The following ACTN1 variants were observed in gnomAD, a reference collection of about 807,000 sequenced individuals.
The protein encoded by ACTN1 is actinin alpha 1, also known as alpha-actinin-1.
In ACTN1, 30 loss-of-function variants were observed where a neutral mutation model predicts 119.6. That is an observed-to-expected ratio of 0.25 (90% confidence interval 0.19 to 0.34). ACTN1 has a LOEUF of 0.34. Among genes scored for constraint, ACTN1 ranks in the 10% least tolerant of loss-of-function variants. The pLI, the probability that ACTN1 is intolerant of heterozygous loss-of-function variation, is 1.00. For missense variants in ACTN1, 764 were observed against 1,223.4 expected (o/e 0.62, Z 5.60); for synonymous variants, 429 against 472.6 (o/e 0.91, Z 1.20).
At position 68,912,251 on chromosome 14, in the gene ACTN1, A is replaced by G. The variant is rs1566629612; in HGVS notation, c.341-9T>C. ...ATTCCCATCCACGATTTCTACAGAA[A>G]CAGCAGCAGCACACATCAGAAAGGG... On this transcript the variant is annotated splice_polypyrimidine_tract_variant and intron_variant, in intron 3 of 21. Transcript: ENST00000394419. 3 of 1,613,264 alleles carry G rather than the reference A, an allele frequency of 1.9e-6. No homozygotes were observed. Among genetic ancestry groups the G allele is most frequent in the East Asian group, 2.2e-5 (1 of 44,878 alleles).
chr14:68,910,103 G>T, intron 4 of ACTN1, 61 bp from the exon 5 acceptor site: 1 of 1,432,116 alleles, frequency 7.0e-7, no homozygotes, highest in South Asian at 1.2e-5. Context: ...GAGGGATGCC[G>T]GCTCACAGGA....
In ACTN1 at chr14:68,880,095, C is replaced by T; in HGVS notation, c.2147G>A (p.Gly716Asp). The change falls in exon 18 of 22, where the codon GGC becomes GAC. Residue 716 changes from glycine (G) to aspartate (D), a missense_variant. Transcript: ENST00000394419. The surrounding 1 kb of genome is among the most constrained non-coding windows in gnomAD (Gnocchi z 4.6). ...GATGGTGGTGAGCAGCTGCTCCCAG[C>T]CCACACGGATGTGCTGCAGGACGGC... ...TNYTMEHIRV[G>D]WEQLLTTIAR... 6.2e-7 allele frequency: 1 copy of T among 1,614,028 alleles called. No homozygotes were observed. The highest frequency in any genetic ancestry group is 1.7e-5 in the Admixed American group (1 of 60,026).
chr14:68,979,030 G>T lies in ACTN1; in HGVS notation c.27C>A (p.Thr9=). The change falls in exon 1 of 22, where the codon ACC becomes ACA. Residue 9 remains threonine, a synonymous_variant. Coordinates refer to ENST00000394419, the MANE Select transcript of ACTN1 (RefSeq NM_001130004.2). The part of the protein sequence containing the change: MDHYDSQQ[T]NDYMQPEEDW... ...CCTCTTCTGGCTGCATGTAATCGTT[G>T]GTTTGCTGAGAATCATAATGGTCCA... 6.2e-7 allele frequency: 1 copy of T among 1,603,840 alleles called. No individual in the cohort carries two copies.
chr14:68,941,770 A>G (rs1467311620), intron 1 of ACTN1, among the ~76,000 whole-genome samples: 1 of 152,166 alleles, frequency 6.6e-6, no homozygotes, highest in Non-Finnish European at 1.5e-5. Context: ...CTTGTCTACT[A>G]AACGGTCCCA....
chr14:68,890,158 G>C lies in ACTN1; in HGVS notation c.1215C>G (p.Ile405Met). 4 of 1,614,010 alleles carry C rather than the reference G, an allele frequency of 2.5e-6. No individual in the cohort carries two copies. The highest frequency in any genetic ancestry group is 3.4e-6 in the Non-Finnish European group (4 of 1,179,960). ...LAEKFRQKAS[I>M]HEAWTDGKEA... ...CCTCACCGTCAGTCCAGGCCTCGTG[G>C]ATGGAGGCCTTCTGCCGGAACTTCT... The change falls in exon 11 of 22, where the codon ATC (isoleucine) becomes ATG (methionine). Residue 405 changes from isoleucine to methionine, a missense_variant. Coordinates refer to ENST00000394419, the MANE Select transcript of ACTN1 (RefSeq NM_001130004.2).
At chr14:68,966,874 C>T (rs1451556570) in intron 1 of ACTN1, among the ~76,000 whole-genome samples, 1 of 152,260 alleles carries the variant, frequency 6.6e-6, no homozygotes, top group East Asian at 1.9e-4. Context: ...CAGGGCTCAG[C>T]CAAATGCAAT....
chr14:68,977,425 A>C (rs1351775355), intron 1 of ACTN1: 1 of 153,676 alleles, frequency 6.5e-6, no homozygotes, highest in African/African-American at 2.4e-5. Context: ...GGCACATTAC[A>C]AAGAAGTCAG....
At chr14:68,941,558 T>C (rs990956606) in intron 1 of ACTN1, among the ~76,000 whole-genome samples, 2 of 152,214 alleles carry the variant, frequency 1.3e-5, no homozygotes, top group East Asian at 3.8e-4. Context: ...CTCAGTTTCC[T>C]CATCTGTAAA....
At chr14:68,976,053 C>G (rs1012134914) in intron 1 of ACTN1, among the ~76,000 whole-genome samples, 4 of 152,194 alleles carry the variant, frequency 2.6e-5, no homozygotes, top group African/African-American at 9.7e-5. Context: ...CTTGGTCTGT[C>G]TTGCTCAGTG....
chr14:68,883,561 C>T (rs2031743391), intron 14 of ACTN1, among the ~76,000 whole-genome samples: 1 of 152,082 alleles, frequency 6.6e-6, no homozygotes, highest in Admixed American at 6.5e-5. Flanking sequence ...CTCTTGAAGC[C>T]AGGAGTTCGA....
At chr14:68,961,545 CG>C (rs2036540893) in intron 1 of ACTN1, among the ~76,000 whole-genome samples, 1 of 152,158 alleles carries the variant, frequency 6.6e-6, no homozygotes, top group Non-Finnish European at 1.5e-5. Flanking sequence ...GGCCGCCACA[CG>C]GGGCACAGGG....
intron 8 of ACTN1, among the ~76,000 whole-genome samples, chr14:68,898,397 G>A (rs987153155): frequency 6.6e-6 from 1 of 152,294 alleles, no homozygotes; most frequent in African/African-American, 2.4e-5. Flanking sequence ...TATACAGCAC[G>A]TGCCTGTACA....
At chr14:68,940,848 C>T (rs1292174753) in intron 1 of ACTN1, among the ~76,000 whole-genome samples, 1 of 152,118 alleles carries the variant, frequency 6.6e-6, no homozygotes, top group Non-Finnish European at 1.5e-5. Flanking sequence ...GAAAGAGATC[C>T]TGCTTGGACA....
At position 68,892,133 on chromosome 14, in the gene ACTN1, T is replaced by A; in HGVS notation, c.1006A>T (p.Ile336Phe). The A allele has an allele frequency of 3.1e-6, 5 of 1,613,898 alleles. No individual in the cohort carries two copies. Among genetic ancestry groups the A allele is most frequent in the Non-Finnish European group, 4.2e-6 (5 of 1,179,998 alleles). The change falls in exon 10 of 22, where the codon ATC becomes TTC. Residue 336 changes from isoleucine to phenylalanine, a missense_variant. By Grantham distance (21) the Ile-to-Phe change is conservative. This residue lies in a region of ACTN1 where 544 missense variants were observed against 912.0 expected (regional missense o/e 0.60). Transcript: ENST00000394419. ...PKVQEKCQLE[I>F]NFNTLQTKLR... is the part of the protein sequence containing the mutation. ...TTGGTCTGCAGCGTGTTGAAGTTGATCTCCAGCTGGCACTTCTCCTGCACC... is the reference window on the plus strand; with the variant it reads ...TTGGTCTGCAGCGTGTTGAAGTTGAACTCCAGCTGGCACTTCTCCTGCACC...
Position 68,890,615 on chromosome 14 carries a change from C to T in ACTN1, c.1087-329G>A, listed in dbSNP as rs151209996. ...GACTGGTTTCCCGCAGGACTCTAAC[C>T]GATCACAGAGGTCACACATGTGCTA... is the stretch of plus-strand genomic sequence containing the variant. On this transcript the variant is annotated intron_variant, in intron 10 of 21. Coordinates refer to ENST00000394419, the MANE Select transcript of ACTN1 (RefSeq NM_001130004.2). 2.1e-4 allele frequency among the ~76,000 whole-genome samples: 32 copies of T among 152,276 alleles called. No individual in the cohort carries two copies. In the East Asian group the frequency reaches 2.9e-3, roughly 14 times the overall value.
chr14:68,874,883 C>T lies in ACTN1; in HGVS notation c.2721G>A (p.Ala907=), dbSNP rs1435869025. Residue 907 remains alanine (A), a synonymous_variant, in exon 22 of 22, where the codon GCG becomes GCA. Coordinates refer to ENST00000394419, the MANE Select transcript of ACTN1 (RefSeq NM_001130004.2). ...ATTAGAGGTCACTCTCGCCGTACAG[C>T]GCCGTGGAGAAGGACATGTAGTCCA... ...GALDYMSFST[A]LYGESDL 2 of 1,600,884 alleles carry T rather than the reference C, an allele frequency of 1.2e-6. No individual in the cohort carries two copies. Among genetic ancestry groups the T allele is most frequent in the South Asian group, 1.1e-5 (1 of 90,416 alleles).
intron 1 of ACTN1, among the ~76,000 whole-genome samples, chr14:68,957,421 A>G (rs1336119393): frequency 6.6e-6 from 1 of 152,188 alleles, no homozygotes; most frequent in Non-Finnish European, 1.5e-5. Context: ...TATGCTGAAC[A>G]ATGACTCGGC....
At chr14:68,977,173 C>T (rs981470494) in intron 1 of ACTN1, among the ~76,000 whole-genome samples, 1 of 152,180 alleles carries the variant, frequency 6.6e-6, no homozygotes, top group Non-Finnish European at 1.5e-5. Context: ...AGACCCCAAT[C>T]CACCACCCTA....
rs1222206834 is a variant in ACTN1, at chr14:68,882,375, G to A, written c.1953+83C>T. 1.3e-6 allele frequency: 2 copies of A among 1,563,646 alleles called. No homozygotes were observed. Among genetic ancestry groups the A allele is most frequent in the African/African-American group, 1.3e-5 (1 of 74,124 alleles). Reference sequence around the variant, plus strand: ...TCAGTCCTCCATGGGTCCCACCCAGGGAGACAGGCAGCCTGGCTGGCTAGG... The same window carrying A: ...TCAGTCCTCCATGGGTCCCACCCAGAGAGACAGGCAGCCTGGCTGGCTAGG... On this transcript the variant is annotated intron_variant, in intron 16 of 21. Transcript: ENST00000394419. The surrounding 1 kb of genome is among the most constrained non-coding windows in gnomAD (Gnocchi z 4.5).
Sources: gnomAD v4.1 joint callset for allele counts (sites outside exome capture counted in the v4.1 genomes callset) on GRCh38, gnomAD v4.1.1 for gene constraint, gnomAD v4.1.1 regional missense constraint, Gnocchi (gnomAD v3.1) non-coding constraint, MANE v1.5 for transcripts, NCBI Gene and HGNC (gene_info 2026-07-23, HGNC 2026-07-21) for gene names.